The following DPH6 variants were observed in gnomAD, a reference collection of about 807,000 sequenced individuals.
DPH6 encodes diphthamine biosynthesis 6.
In DPH6, 33 loss-of-function variants were observed where a neutral mutation model predicts 38.2. The observed-to-expected ratio is 0.86, with a 90% CI of 0.65 to 1.15. The LOEUF is 1.15. Ranked by LOEUF, DPH6 falls within the 50% of genes most tolerant of loss-of-function variation. DPH6 has a pLI of 0.00. For missense variants in DPH6, 325 were observed against 320.0 expected (o/e 1.02, Z -0.12); for synonymous variants, 108 against 103.0 (o/e 1.05, Z -0.30).
chr15:35,398,627 T>C (rs1270511002), intron 6 of DPH6, among the ~76,000 whole-genome samples: 2 of 152,212 alleles, frequency 1.3e-5, no homozygotes, highest in South Asian at 2.1e-4. Context: ...ATATCCTTTA[T>C]GAATAAACCA....
intron 3 of DPH6, among the ~76,000 whole-genome samples, chr15:35,279,149 C>A (rs1272303171): frequency 6.6e-6 from 1 of 150,980 alleles, no homozygotes; most frequent in African/African-American, 2.4e-5. Flanking sequence ...GGGCCTATTG[C>A]CCCTTTTTTT....
chr15:35,489,733 G>A, intron 3 of DPH6: 1 of 979,518 alleles, frequency 1.0e-6, no homozygotes, highest in African/African-American at 1.8e-5. Flanking sequence ...ATTTTTTCTG[G>A]AACAGTATAC....
At chr15:35,505,947 T>A (rs570433794) in intron 3 of DPH6, among the ~76,000 whole-genome samples, 23 of 152,238 alleles carry the variant, frequency 1.5e-4, no homozygotes, top group African/African-American at 5.5e-4. Flanking sequence ...GTCAGTATTT[T>A]AAAATTTTAT....
intron 3 of DPH6, among the ~76,000 whole-genome samples, chr15:35,493,489 T>A (rs781101819): frequency 1.4e-4 from 22 of 152,064 alleles, no homozygotes; most frequent in Non-Finnish European, 2.4e-4. Flanking sequence ...ACATAATACT[T>A]GAAGAAAAAG....
At chr15:35,200,783 G>A in the DPH6 span, among the ~76,000 whole-genome samples, 1 of 151,924 alleles carries the variant, frequency 6.6e-6, no homozygotes, top group Non-Finnish European at 1.5e-5. Context: ...TCATCTTGAA[G>A]CAAGTCTGAA....
At chr15:35,275,785 C>G (rs1437183086) in intron 3 of DPH6, among the ~76,000 whole-genome samples, 1 of 151,204 alleles carries the variant, frequency 6.6e-6, no homozygotes, top group East Asian at 1.9e-4. Context: ...TACTTCATTT[C>G]TTTTTATGGT....
At chr15:35,439,826 G>C (rs928472132) in intron 5 of DPH6, among the ~76,000 whole-genome samples, 1 of 151,450 alleles carries the variant, frequency 6.6e-6, no homozygotes, top group African/African-American at 2.4e-5. Context: ...TTGTAGAATA[G>C]AGTTCCATCA....
chr15:35,368,969 G>T, downstream of DPH6, among the ~76,000 whole-genome samples: 1 of 151,504 alleles, frequency 6.6e-6, no homozygotes, highest in Non-Finnish European at 1.5e-5. Context: ...TCCAGAAAAA[G>T]AAAATATTGA....
intron 6 of DPH6, among the ~76,000 whole-genome samples, chr15:35,402,954 G>A (rs2053240963): frequency 6.6e-6 from 1 of 151,892 alleles, no homozygotes; most frequent in Non-Finnish European, 1.5e-5. Context: ...ACCTTCATAT[G>A]TAAAATACAA....
At chr15:35,385,090 T>C (rs547456345) in intron 6 of DPH6, among the ~76,000 whole-genome samples, 26 of 152,088 alleles carry the variant, frequency 1.7e-4, no homozygotes, top group Admixed American at 2.6e-4. Flanking sequence ...GCCAGTTAGA[T>C]TGGCGATCAT....
At chr15:35,504,325 T>A (rs981004716) in intron 3 of DPH6, among the ~76,000 whole-genome samples, 26 of 151,974 alleles carry the variant, frequency 1.7e-4, no homozygotes, top group African/African-American at 6.0e-4. Context: ...TGTGCCATGT[T>A]TTGTCCCATC....
downstream of DPH6, among the ~76,000 whole-genome samples, chr15:35,328,059 A>G (rs1234690761): frequency 1.3e-5 from 2 of 152,172 alleles, no homozygotes; most frequent in Non-Finnish European, 2.9e-5. Context: ...TCTTCACTGC[A>G]ACATGAACCA....
At chr15:35,490,031 G>T in intron 3 of DPH6, 1 of 985,304 alleles carries the variant, frequency 1.0e-6, no homozygotes, top group Non-Finnish European at 1.2e-6. Context: ...CAAATGTAAA[G>T]AAAACACCCC....
chr15:35,431,231 T>C (rs2053629040), intron 5 of DPH6, among the ~76,000 whole-genome samples: 1 of 152,204 alleles, frequency 6.6e-6, no homozygotes, highest in Non-Finnish European at 1.5e-5. Flanking sequence ...TCATTCATAA[T>C]TACCCCTATA....
At chr15:35,236,199 T>C (rs988411847) in intron 3 of DPH6, among the ~76,000 whole-genome samples, 1 of 152,234 alleles carries the variant, frequency 6.6e-6, no homozygotes, top group African/African-American at 2.4e-5. Flanking sequence ...TCTAGGTCCA[T>C]ATAAGTAGTC....
the DPH6 span, among the ~76,000 whole-genome samples, chr15:35,209,672 T>C: frequency 1.6e-4 from 24 of 152,330 alleles, no homozygotes; most frequent in African/African-American, 4.6e-4. Context: ...AAGCTTCTTG[T>C]ACAGAACTCT....
At chr15:35,503,090 G>A (rs1595423839) in intron 3 of DPH6, among the ~76,000 whole-genome samples, 1 of 151,344 alleles carries the variant, frequency 6.6e-6, no homozygotes, top group African/African-American at 2.4e-5. Flanking sequence ...TATTAATTTT[G>A]TATCCTCCCC....
At chr15:35,181,466 A>G in the DPH6 span, among the ~76,000 whole-genome samples, 1 of 126,686 alleles carries the variant, frequency 7.9e-6, no homozygotes, top group Non-Finnish European at 1.7e-5. Context: ...ATAAAAAAAA[A>G]CTCTGCTTTT....
chr15:35,511,963 T>A (rs1381743258), intron 3 of DPH6, among the ~76,000 whole-genome samples: 1 of 152,090 alleles, frequency 6.6e-6, no homozygotes, highest in Admixed American at 6.6e-5. Flanking sequence ...AGCACTATAG[T>A]TTTGTTTTGT....
Sources: allele counts gnomAD v4.1 joint callset (sites outside exome capture counted in the v4.1 genomes callset), GRCh38; gene constraint gnomAD v4.1.1; transcripts MANE v1.5; gene names NCBI Gene and HGNC (gene_info 2026-07-23, HGNC 2026-07-21).